PITPNM2: variants seen among roughly 807,000 people sequenced by gnomAD.
The protein encoded by PITPNM2 is phosphatidylinositol transfer protein membrane associated 2, also known as membrane-associated phosphatidylinositol transfer protein 2.
A neutral mutation model predicts 132.2 loss-of-function variants in PITPNM2; 35 were observed. The ratio of observed to expected loss-of-function variants is 0.26; its 90% CI spans 0.20 to 0.35. PITPNM2 has a LOEUF of 0.35. Ranked by LOEUF, PITPNM2 falls within the 10% of genes least tolerant of loss-of-function variation. The pLI is 1.00. For missense variants in PITPNM2, 1,332 were observed against 1,912.0 expected (o/e 0.70, Z 5.66); for synonymous variants, 738 against 799.2 (o/e 0.92, Z 1.29).
rs146796332 is a variant in PITPNM2 at position 123,130,837 on chromosome 12, T to C, written c.-200+19916A>G. Among the ~76,000 whole-genome samples the C allele has an allele frequency of 8.3e-4, 127 of 152,220 alleles. 1 individual carries two copies. The highest frequency in any genetic ancestry group is 1.4e-3 in the Admixed American group (21 of 15,278). ...AGGAAGGTGAGAACAGCCTTCCCTGTAATAAATGTAATTGCTTCTACCTGA... is the reference window on the plus strand; with the variant it reads ...AGGAAGGTGAGAACAGCCTTCCCTGCAATAAATGTAATTGCTTCTACCTGA... On this transcript the variant is annotated intron_variant, in intron 1 of 25. Coordinates refer to ENST00000320201, the MANE Select transcript of PITPNM2 (RefSeq NM_020845.3).
chr12:123,145,207 C>T (rs1406228588), intron 1 of PITPNM2, among the ~76,000 whole-genome samples: 1 of 152,050 alleles, frequency 6.6e-6, no homozygotes. Flanking sequence ...CTAACTATGG[C>T]CAACAATATG....
intron 2 of PITPNM2, among the ~76,000 whole-genome samples, chr12:123,079,350 CTTTTTTTTTTTTTTTTTTT>C (rs139205213): frequency 1.1e-4 from 6 of 53,790 alleles, no homozygotes; most frequent in Non-Finnish European, 2.1e-4. Flanking sequence ...TTTTTCTTTT[CTTTTTTTTTTTTTTTTTTT>C]TTTTTTTTTT....
chr12:123,151,170 C>G (rs1486716808), upstream of PITPNM2, among the ~76,000 whole-genome samples: 2 of 145,848 alleles, frequency 1.4e-5, no homozygotes, highest in African/African-American at 2.5e-5. Context: ...GCGGCGGCGG[C>G]GGCGGCGGGG....
intron 3 of PITPNM2, among the ~76,000 whole-genome samples, chr12:123,018,397 C>T (rs1238057164): frequency 6.6e-6 from 1 of 150,378 alleles, no homozygotes; most frequent in East Asian, 2.0e-4. Flanking sequence ...CAGGTTCAAC[C>T]GATTCTCCTG....
intron 2 of PITPNM2, among the ~76,000 whole-genome samples, chr12:123,042,674 G>A (rs1048249845): frequency 3.3e-5 from 5 of 152,162 alleles, no homozygotes; most frequent in Non-Finnish European, 5.9e-5. Context: ...CCTCCCTTGA[G>A]TCCCTCTCCT....
chr12:123,116,378 G>A (rs1293075895), intron 1 of PITPNM2, among the ~76,000 whole-genome samples: 1 of 152,140 alleles, frequency 6.6e-6, no homozygotes, highest in Non-Finnish European at 1.5e-5. Context: ...GGCCAGGAGT[G>A]GTGGTTCACA....
At chr12:123,012,852 T>C in intron 4 of PITPNM2, 118 bp from the exon 5 acceptor site, 1 of 1,390,934 alleles carries the variant, frequency 7.2e-7, no homozygotes, top group African/African-American at 1.4e-5. Flanking sequence ...GGAAGGAGGG[T>C]GGAGGGTAGC....
chr12:123,046,836 C>T (rs2040675372), intron 2 of PITPNM2, among the ~76,000 whole-genome samples: 1 of 152,218 alleles, frequency 6.6e-6, no homozygotes, highest in East Asian at 1.9e-4. Context: ...ACTAAGGAGA[C>T]CCAGGGCTTT....
rs2042763734 is a variant in PITPNM2, at chr12:123,108,324, T to C, written c.-96+2061A>G. On this transcript the variant is annotated intron_variant, in intron 2 of 25. Transcript: ENST00000320201. This position sits in a 1 kb window ranked among gnomAD's most constrained non-coding sequence, Gnocchi z 4.4. ...AAGGCCATGGTCTCTGCAAAGCCAC[T>C]GCACTCTGGAATGCAGTTGTTAAGA... Among the ~76,000 whole-genome samples, 1 of 152,212 alleles carries C rather than the reference T, an allele frequency of 6.6e-6. No individual in the cohort carries two copies. The highest frequency in any genetic ancestry group is 6.5e-5 in the Admixed American group (1 of 15,288).
chr12:123,118,173 C>T (rs1157615096), intron 1 of PITPNM2, among the ~76,000 whole-genome samples: 1 of 152,176 alleles, frequency 6.6e-6, no homozygotes, highest in African/African-American at 2.4e-5. Flanking sequence ...CAAATTGATA[C>T]TAATTGTCAG....
chr12:122,986,157 C>T lies in PITPNM2; in HGVS notation c.3920G>A (p.Arg1307Gln), dbSNP rs746342215. Reference sequence around the variant, plus strand: ...CGCCTGGCTCTGTGTCCGCTCGTGCCGGTGGCTGGGCCCGCTGGGCTGGGC... The same window carrying T: ...CGCCTGGCTCTGTGTCCGCTCGTGCTGGTGGCTGGGCCCGCTGGGCTGGGC... ...ISAQPSGPSH[R>Q]HERTQSQADG... Residue 1307 changes from arginine (R) to glutamine (Q), a missense_variant, in exon 26 of 26, where the codon CGG becomes CAG. Arg to Gln is a conservative substitution (Grantham distance 43). Transcript: ENST00000320201. 168 of 1,533,808 alleles carry T rather than the reference C, an allele frequency of 1.1e-4. No individual in the cohort carries two copies. Among genetic ancestry groups the T allele is most frequent in the Non-Finnish European group, 1.2e-4 (143 of 1,145,154 alleles).
intron 5 of PITPNM2, among the ~76,000 whole-genome samples, chr12:123,011,701 C>T (rs61592192): frequency 1.3e-4 from 20 of 152,032 alleles, no homozygotes; most frequent in Non-Finnish European, 2.8e-4. Context: ...ATGTGACGAA[C>T]GAGGCAGAGA....
chr12:123,027,596 C>T (rs913863968), intron 3 of PITPNM2, among the ~76,000 whole-genome samples: 3 of 152,202 alleles, frequency 2.0e-5, no homozygotes, highest in African/African-American at 7.2e-5. Context: ...TGCAGGTTAT[C>T]GTGAGGATTA....
At chr12:123,012,768 T>C in intron 4 of PITPNM2, 34 bp from the exon 5 acceptor site, 1 of 1,609,802 alleles carries the variant, frequency 6.2e-7, no homozygotes, top group Non-Finnish European at 8.5e-7. Flanking sequence ...TCAGGACCTG[T>C]CCTTGGAGAG....
At chr12:122,997,708 T>G in intron 10 of PITPNM2, 136 bp from the exon 11 acceptor site, 1 of 1,251,784 alleles carries the variant, frequency 8.0e-7, no homozygotes, top group Admixed American at 2.3e-5. Context: ...TTTTGGTTAC[T>G]CATGCCTGGA....
intron 1 of PITPNM2, among the ~76,000 whole-genome samples, chr12:123,143,535 G>A (rs1268494468): frequency 1.3e-5 from 2 of 152,188 alleles, no homozygotes; most frequent in Admixed American, 6.5e-5. Context: ...CTTCCTCTGA[G>A]AGAGCCCAGG....
At chr12:123,124,143 C>A (rs2043089171) in intron 1 of PITPNM2, among the ~76,000 whole-genome samples, 1 of 152,054 alleles carries the variant, frequency 6.6e-6, no homozygotes, top group Non-Finnish European at 1.5e-5. Flanking sequence ...GTAACCCCAG[C>A]TACTCGGGAG....
At chr12:123,045,436 A>G (rs1438236244) in intron 2 of PITPNM2, among the ~76,000 whole-genome samples, 1 of 152,172 alleles carries the variant, frequency 6.6e-6, no homozygotes, top group East Asian at 1.9e-4. Flanking sequence ...GACAATTCTC[A>G]TCAAATTCAG....
intron 17 of PITPNM2, 94 bp from the exon 18 acceptor site, chr12:122,990,042 G>A: frequency 1.9e-6 from 2 of 1,068,682 alleles, no homozygotes; most frequent in Middle Eastern, 3.3e-4. Flanking sequence ...GACAGTGCCA[G>A]GCCTGGAGCT....
Sources: gnomAD v4.1 joint callset for allele counts (sites outside exome capture counted in the v4.1 genomes callset) on GRCh38, gnomAD v4.1.1 for gene constraint, Gnocchi (gnomAD v3.1) non-coding constraint, MANE v1.5 for transcripts, NCBI Gene and HGNC (gene_info 2026-07-23, HGNC 2026-07-21) for gene names.